ABCA7: variants seen among roughly 807,000 people sequenced by gnomAD.
ABCA7 encodes the protein ATP binding cassette subfamily A member 7.
ABCA7 carries 261 observed loss-of-function variants against 227.6 expected under a neutral mutation model. That is an observed-to-expected ratio of 1.15 (90% CI 1.04 to 1.27). ABCA7 has a LOEUF of 1.27. Ranked by LOEUF, ABCA7 falls within the 50% of genes most tolerant of loss-of-function variation. The pLI, the probability that ABCA7 is intolerant of heterozygous loss-of-function variation, is 0.00. For missense variants in ABCA7, 3,331 were observed against 2,924.5 expected (o/e 1.14, Z -3.21); for synonymous variants, 1,488 against 1,279.7 (o/e 1.16, Z -3.47).
At position 1,046,955 on chromosome 19, in the gene ABCA7, G is replaced by T. The variant is rs746307442; in HGVS notation, c.1776G>T (p.Trp592Cys). The T allele has an allele frequency of 1.3e-6, 2 of 1,581,462 alleles. No individual in the cohort carries two copies. Among genetic ancestry groups the T allele is most frequent in the Non-Finnish European group, 1.7e-6 (2 of 1,167,964 alleles). Residue 592 changes from tryptophan to cysteine, a missense_variant, in exon 14 of 47, where the codon TGG becomes TGT. Transcript: ENST00000263094. ...TGGGGCTCAGCCGCGCGGTGCTCTG[G>T]CTAGGCTGGTTCCTCAGCTGCCTCG... ...RAMGLSRAVL[W>C]LGWFLSCLGP...
Position 1,043,235 on chromosome 19 carries a change from G to A in ABCA7, c.774G>A (p.Leu258=), listed in dbSNP as rs956897372. The part of the protein sequence containing the change: ...ELVGQEPESA[L]PDSSLSPACS... The stretch of plus-strand genomic sequence containing the variant: ...TGGGGCAGGAGCCAGAATCCGCCCT[G>A]CCAGACAGCAGCCTGAGTGAGTGAC... Residue 258 remains leucine, a synonymous_variant, in exon 8 of 47, where the codon CTG becomes CTA. Coordinates refer to ENST00000263094, the MANE Select transcript of ABCA7 (RefSeq NM_019112.4). 5.0e-6 allele frequency: 8 copies of A among 1,607,470 alleles called. No individual in the cohort carries two copies. The African/African-American group carries it at 5.3e-5, about 11-fold the overall frequency.
chr19:1,056,748 C>T lies in ABCA7; in HGVS notation c.4587-159C>T, dbSNP rs1331450690. Among the ~76,000 whole-genome samples the T allele has an allele frequency of 6.6e-6, 1 of 152,202 alleles. No homozygotes were observed. The highest frequency in any genetic ancestry group is 1.5e-5 in the Non-Finnish European group (1 of 68,042). ...CTGCCTGAGACCTGTACAACCTCTG[C>T]TGCCAAATCCCAGGCACCCTCATCC... On this transcript the variant is annotated intron_variant, in intron 33 of 46. Coordinates refer to ENST00000263094, the MANE Select transcript of ABCA7 (RefSeq NM_019112.4). This position sits in a 1 kb window ranked among gnomAD's most constrained non-coding sequence, Gnocchi z 4.3.
At chr19:1,046,165 T>C in intron 12 of ABCA7, 65 bp from the exon 13 acceptor site, 2 of 1,561,174 alleles carry the variant, frequency 1.3e-6, no homozygotes, top group South Asian at 1.1e-5. Context: ...AAAAAGGTTA[T>C]TCAGGGTGGG....
intron 11 of ABCA7, 105 bp downstream of exon 11, chr19:1,044,849 A>G (rs2040453172): frequency 4.1e-6 from 6 of 1,470,754 alleles, no homozygotes; most frequent in African/African-American, 1.4e-5. Flanking sequence ...CGGCCCTAGT[A>G]AGAGCCTGGG....
rs1216886573 is a variant in ABCA7 at position 1,056,355 on chromosome 19, A to C, written c.4442A>C (p.His1481Pro). The change falls in exon 33 of 47, where the codon CAC becomes CCC. Residue 1481 changes from histidine to proline, a missense_variant. Transcript: ENST00000263094. This position sits in a 1 kb window ranked among gnomAD's most constrained non-coding sequence, Gnocchi z 4.3. ...ATCTGGTTCAACAACAAAGGCTGGC[A>C]CTCCATGGTGGCCTTTGTCAACCGA... ...LKIWFNNKGW[H>P]SMVAFVNRAS... The C allele has an allele frequency of 1.2e-6, 2 of 1,612,660 alleles. No homozygotes were observed. The highest frequency in any genetic ancestry group is 3.3e-5 in the Admixed American group (2 of 59,950).
chr19:1,042,652 C>T (rs1355772284), intron 6 of ABCA7, 94 bp from the exon 7 acceptor site: 8 of 1,293,326 alleles, frequency 6.2e-6, no homozygotes, highest in Non-Finnish European at 9.0e-6. Flanking sequence ...AAAGTGGGGG[C>T]TATGATAGTA....
intron 16 of ABCA7, among the ~76,000 whole-genome samples, chr19:1,048,510 C>CA (rs76143039): frequency 1.0e-3 from 53 of 52,192 alleles, no homozygotes; most frequent in African/African-American, 1.4e-3. Context: ...AAAAAAAAAA[C>CA]AAAAAAAAAA....
rs4147918 is a variant in ABCA7, at chr19:1,058,177, A to G, written c.5057A>G (p.Gln1686Arg). ...KLQEVSRILK[Q>R]VFLIFPHFCL... is the part of the protein sequence containing the mutation. ...CAGGAGGTGAGCCGGATCTTGAAACAGGTCTTCCTTATCTTCCCCCACTTC... is the reference window on the plus strand; with the variant it reads ...CAGGAGGTGAGCCGGATCTTGAAACGGGTCTTCCTTATCTTCCCCCACTTC... Residue 1686 changes from glutamine (Q) to arginine (R), a missense_variant, in exon 37 of 47, where the codon CAG (glutamine) becomes CGG (arginine). Transcript: ENST00000263094. 69,345 of 1,613,750 alleles carry G rather than the reference A, an allele frequency of 0.043. 1,989 individuals are homozygous for G. The highest frequency in any genetic ancestry group is 0.15 in the East Asian group (6,733 of 44,844).
In ABCA7 at chr19:1,047,483, G is replaced by C; in HGVS notation, c.2098G>C (p.Gly700Arg). The C allele has an allele frequency of 6.4e-7, 1 of 1,567,298 alleles. No individual in the cohort carries two copies. The highest frequency in any genetic ancestry group is 8.6e-7 in the Non-Finnish European group (1 of 1,161,390). ...SLLSPVAFGF[G>R]CESLALLEEQ... ...GCTGTCGCCCGTGGCCTTCGGCTTCGGCTGCGAGAGCCTGGCTCTGCTGGA... is the reference window on the plus strand; with the variant it reads ...GCTGTCGCCCGTGGCCTTCGGCTTCCGCTGCGAGAGCCTGGCTCTGCTGGA... Residue 700 changes from glycine to arginine, a missense_variant, in exon 16 of 47, where the codon GGC becomes CGC. Gly to Arg is a moderately radical substitution (Grantham distance 125). Coordinates refer to ENST00000263094, the MANE Select transcript of ABCA7 (RefSeq NM_019112.4).
chr19:1,051,301 C>T lies in ABCA7; in HGVS notation c.2824+7C>T. 3 of 1,590,334 alleles carry T rather than the reference C, an allele frequency of 1.9e-6. No homozygotes were observed. The highest frequency in any genetic ancestry group is 1.7e-6 in the Non-Finnish European group (2 of 1,167,938). On this transcript the variant is annotated splice_region_variant and intron_variant, in intron 20 of 46. Transcript: ENST00000263094. Reference sequence around the variant, plus strand: ...CAGACTCGCCACCTCTCTGGTGAGCCCATCCCCAAGGGAGGTCACCTCACA... The same window carrying T: ...CAGACTCGCCACCTCTCTGGTGAGCTCATCCCCAAGGGAGGTCACCTCACA...
intron 35 of ABCA7, among the ~76,000 whole-genome samples, 160 bp from the exon 36 acceptor site, chr19:1,057,755 G>GAGAGAA (rs985325107): frequency 1.0e-4 from 15 of 148,778 alleles, no homozygotes; most frequent in Admixed American, 1.3e-4. Flanking sequence ...GAAAGAAAGA[G>GAGAGAA]AGAGAAAGAG....
chr19:1,043,268 G>A lies in ABCA7; in HGVS notation c.790+17G>A, dbSNP rs1389569064. ...GCAGCCTGAGTGAGTGACTGACCTC[G>A]GTTTCCCCTCTTGGGAAGTGGAACT... On this transcript the variant is annotated intron_variant, in intron 8 of 46. Transcript: ENST00000263094. The A allele has an allele frequency of 5.6e-6, 9 of 1,609,232 alleles. No homozygotes were observed. Among genetic ancestry groups the A allele is most frequent in the Admixed American group, 3.3e-5 (2 of 59,896 alleles).
intron 13 of ABCA7, among the ~76,000 whole-genome samples, 184 bp downstream of exon 13, chr19:1,046,590 G>T (rs1028072582): frequency 1.2e-4 from 18 of 151,356 alleles, no homozygotes; most frequent in South Asian, 2.1e-4. Context: ...TGGGGGGGGG[G>T]ACTCTGAGGG....
chr19:1,044,689 A>G lies in ABCA7; in HGVS notation c.1160A>G (p.Gln387Arg). Reference sequence around the variant, plus strand: ...CCTGGGAGCGGTGGCTACAGCTGGCAGGACGCACACGCTGATGTGGGGCAC... The same window carrying G: ...CCTGGGAGCGGTGGCTACAGCTGGCGGGACGCACACGCTGATGTGGGGCAC... ...LDPGSGGYSW[Q>R]DAHADVGHLV... The change falls in exon 11 of 47, where the codon CAG becomes CGG. Residue 387 changes from glutamine to arginine, a missense_variant. Transcript: ENST00000263094. 2 of 1,612,784 alleles carry G rather than the reference A, an allele frequency of 1.2e-6. No homozygotes were observed. The highest frequency in any genetic ancestry group is 1.7e-6 in the Non-Finnish European group (2 of 1,179,964).
chr19:1,064,317 A>G (rs1199297662), intron 45 of ABCA7, 64 bp downstream of exon 45: 7 of 1,468,930 alleles, frequency 4.8e-6, no homozygotes, highest in Non-Finnish European at 5.5e-6. Flanking sequence ...GGCTCAGGGG[A>G]GAGGCCAGAC....
intron 6 of ABCA7, 66 bp from the exon 7 acceptor site, chr19:1,042,680 G>A: frequency 6.6e-7 from 1 of 1,511,706 alleles, no homozygotes; most frequent in South Asian, 1.1e-5. Context: ...CCTGGGAACT[G>A]GCCAGAGCGC....
intron 30 of ABCA7, 72 bp from the exon 31 acceptor site, chr19:1,055,835 G>GCTCCCCTCTCACCATCTCTCTCTCTGTC: frequency 6.9e-7 from 1 of 1,442,552 alleles, no homozygotes; most frequent in Non-Finnish European, 9.4e-7. Flanking sequence ...TTGACTCTGT[G>GCTCCCCTCTCACCATCTCTCTCTCTGTC]CTCCCCTCTC....
In ABCA7 at chr19:1,062,218, C is replaced by T. The variant is rs906910012; in HGVS notation, c.5617C>T (p.Pro1873Ser). Residue 1873 changes from proline to serine, a missense_variant, in exon 42 of 47, where the codon CCT becomes TCT. Coordinates refer to ENST00000263094, the MANE Select transcript of ABCA7 (RefSeq NM_019112.4). ...SAAHLSMGYC[P>S]QSDAIFELLT... ...TGCGCACCTCAGCATGGGATACTGC[C>T]CTCAATCCGATGCCATCTTTGAGCT... The T allele has an allele frequency of 6.2e-7, 1 of 1,612,482 alleles. No individual in the cohort carries two copies. The highest frequency in any genetic ancestry group is 8.5e-7 in the Non-Finnish European group (1 of 1,179,828).
rs992686984 is a variant in ABCA7 at position 1,060,977 on chromosome 19, G to A, written c.5464-805G>A. Among the ~76,000 whole-genome samples the A allele has an allele frequency of 5.3e-5, 8 of 152,182 alleles. No individual in the cohort carries two copies. In the South Asian group the frequency reaches 8.3e-4, roughly 16 times the overall value. On this transcript the variant is annotated intron_variant, in intron 40 of 46. Coordinates refer to ENST00000263094, the MANE Select transcript of ABCA7 (RefSeq NM_019112.4). ...GCACTGCTGCACACGACCTTTATAG[G>A]GTACCCACTGTGTGCCAAAAGCCAT...
Sources: allele counts gnomAD v4.1 joint callset (sites outside exome capture counted in the v4.1 genomes callset), GRCh38; gene constraint gnomAD v4.1.1; non-coding constraint Gnocchi (gnomAD v3.1); transcripts MANE v1.5; gene names NCBI Gene and HGNC (gene_info 2026-07-23, HGNC 2026-07-21).